Variants in NELL1 observed in about 807,000 individuals in gnomAD.
NELL1 encodes the protein neural EGFL like 1.
In NELL1, 76 loss-of-function variants were observed where a neutral mutation model predicts 107.4. The ratio of observed to expected loss-of-function variants is 0.71; its 90% CI spans 0.59 to 0.86. The LOEUF is 0.86. Ranked by LOEUF, NELL1 falls within the 40% of genes least tolerant of loss-of-function variation. The pLI, the probability that NELL1 is intolerant of heterozygous loss-of-function variation, is 0.00. For missense variants in NELL1, 1,024 were observed against 1,005.5 expected (o/e 1.02, Z -0.25); for synonymous variants, 353 against 341.2 (o/e 1.03, Z -0.38).
Position 20,911,508 on chromosome 11 carries a change from T to C in NELL1, c.604-6674T>C, listed in dbSNP as rs1195964595. On this transcript the variant is annotated intron_variant, in intron 5 of 19. Transcript: ENST00000357134. Reference sequence around the variant, plus strand: ...TGCTCCTTCATTCAACAAATATTTATTAAGGGCTTACCCTGTGTTTCCACA... The same window carrying C: ...TGCTCCTTCATTCAACAAATATTTACTAAGGGCTTACCCTGTGTTTCCACA... Among the ~76,000 whole-genome samples the C allele has an allele frequency of 1.9e-4, 29 of 152,206 alleles. 1 individual carries two copies. The highest frequency in any genetic ancestry group is 1.9e-3 in the Admixed American group (29 of 15,272).
At chr11:20,674,229 G>T (rs1374376543) in intron 1 of NELL1, among the ~76,000 whole-genome samples, 3 of 152,166 alleles carry the variant, frequency 2.0e-5, no homozygotes, top group African/African-American at 7.2e-5. Flanking sequence ...AGTCACTTGG[G>T]CATGGATAAG....
At chr11:21,444,560 A>G (rs540876496) in intron 15 of NELL1, among the ~76,000 whole-genome samples, 1 of 151,702 alleles carries the variant, frequency 6.6e-6, no homozygotes, top group South Asian at 2.1e-4. Flanking sequence ...TGGCTATAAA[A>G]TAATCCATCT....
chr11:21,454,040 C>G lies in NELL1; in HGVS notation c.1646-80334C>G, dbSNP rs554675566. On this transcript the variant is annotated intron_variant, in intron 15 of 19. Transcript: ENST00000357134. Reference sequence around the variant, plus strand: ...TGCGCTGCACCCACTAACTTGTCATCTAGCATTAGGTATATCTCCCAATGC... The same window carrying G: ...TGCGCTGCACCCACTAACTTGTCATGTAGCATTAGGTATATCTCCCAATGC... 6.1e-4 allele frequency among the ~76,000 whole-genome samples: 89 copies of G among 146,534 alleles called. No homozygotes were observed. The South Asian group carries it at 0.019, about 32-fold the overall frequency.
intron 3 of NELL1, among the ~76,000 whole-genome samples, chr11:20,808,599 A>C (rs964905533): frequency 6.6e-6 from 1 of 152,230 alleles, no homozygotes; most frequent in Non-Finnish European, 1.5e-5. Flanking sequence ...TACGAGTTGC[A>C]GTCCTTGTGG....
At chr11:21,243,621 A>C (rs1473331979) in intron 14 of NELL1, among the ~76,000 whole-genome samples, 1 of 152,166 alleles carries the variant, frequency 6.6e-6, no homozygotes, top group African/African-American at 2.4e-5. Flanking sequence ...CTATGAGATT[A>C]GTAGAAGACG....
intron 2 of NELL1, among the ~76,000 whole-genome samples, chr11:20,733,165 T>C (rs186410585): frequency 6.6e-6 from 1 of 152,322 alleles, no homozygotes; most frequent in East Asian, 1.9e-4. Context: ...CCATCCCTCT[T>C]CCTCTATCTT....
At chr11:21,506,119 T>G (rs1855272393) in intron 15 of NELL1, among the ~76,000 whole-genome samples, 1 of 152,222 alleles carries the variant, frequency 6.6e-6, no homozygotes, top group Admixed American at 6.5e-5. Flanking sequence ...TATCCTATCT[T>G]AAAATAATGA....
At chr11:21,249,019 C>G (rs1047134398) in intron 14 of NELL1, among the ~76,000 whole-genome samples, 6 of 152,120 alleles carry the variant, frequency 3.9e-5, no homozygotes, top group African/African-American at 1.4e-4. Context: ...GATACTGTTG[C>G]TGGGGGGCCT....
At chr11:21,277,574 T>A (rs1238631345) in intron 14 of NELL1, among the ~76,000 whole-genome samples, 5 of 152,090 alleles carry the variant, frequency 3.3e-5, no homozygotes, top group African/African-American at 1.2e-4. Context: ...ATTATAAATC[T>A]TGCTGCTATA....
chr11:21,384,809 G>A (rs962065382), intron 15 of NELL1, among the ~76,000 whole-genome samples: 2 of 151,940 alleles, frequency 1.3e-5, no homozygotes, highest in African/African-American at 4.8e-5. Context: ...GTATTCCATG[G>A]TGTATATGTG....
At chr11:20,673,617 G>A (rs1300709680) in intron 1 of NELL1, among the ~76,000 whole-genome samples, 3 of 152,182 alleles carry the variant, frequency 2.0e-5, no homozygotes, top group Admixed American at 6.5e-5. Context: ...CTTTGTTAGG[G>A]TGGAGTTTCT....
chr11:20,728,303 T>C (rs1456769595), intron 2 of NELL1, among the ~76,000 whole-genome samples: 1 of 152,196 alleles, frequency 6.6e-6, no homozygotes, highest in African/African-American at 2.4e-5. Flanking sequence ...AGAAGCTCTT[T>C]AGTTTAATTA....
intron 13 of NELL1, among the ~76,000 whole-genome samples, chr11:21,228,882 G>T (rs1328111690): frequency 6.6e-6 from 1 of 151,594 alleles, no homozygotes; most frequent in Admixed American, 6.6e-5. Flanking sequence ...ATTGTACAAT[G>T]CTTAGCAGCA....
At chr11:20,854,708 GA>G (rs11300209) in intron 4 of NELL1, among the ~76,000 whole-genome samples, 143,630 of 152,206 alleles carry the variant, frequency 0.94, 67,825 homozygotes, top group East Asian at 1. Flanking sequence ...TGTGACAGTG[GA>G]CAGCCTGTGT....
chr11:20,865,948 C>T (rs1849087367), intron 4 of NELL1, among the ~76,000 whole-genome samples: 1 of 152,120 alleles, frequency 6.6e-6, no homozygotes, highest in Non-Finnish European at 1.5e-5. Context: ...TCACCACTTC[C>T]TAGCTGTGTG....
At chr11:21,382,332 G>A (rs139681181) in intron 15 of NELL1, among the ~76,000 whole-genome samples, 134 of 152,056 alleles carry the variant, frequency 8.8e-4, no homozygotes, top group East Asian at 5.1e-3. Context: ...ACTTTGGGAC[G>A]TAGAAATCCT....
intron 16 of NELL1, among the ~76,000 whole-genome samples, chr11:21,554,928 G>A (rs1856670705): frequency 1.3e-5 from 2 of 151,820 alleles, no homozygotes; most frequent in South Asian, 4.1e-4. Context: ...CGCAGTTTCT[G>A]GATTACAAAG....
rs1388401820 is a variant in NELL1, at chr11:20,996,839, G to T, written c.1300+36279G>T. On this transcript the variant is annotated intron_variant, in intron 12 of 19. Coordinates refer to ENST00000357134, the MANE Select transcript of NELL1 (RefSeq NM_006157.5). ...CCGATTTACCCATCTCCGTAAAACT[G>T]AACAGTTGGAGGTATTAGGTCCTTA... Among the ~76,000 whole-genome samples the T allele has an allele frequency of 2.0e-5, 3 of 152,016 alleles. No homozygotes were observed. The East Asian group carries it at 5.8e-4, about 29-fold the overall frequency.
At chr11:21,510,050 T>C (rs1333107265) in intron 15 of NELL1, among the ~76,000 whole-genome samples, 1 of 152,174 alleles carries the variant, frequency 6.6e-6, no homozygotes, top group East Asian at 1.9e-4. Context: ...CTGAAATACC[T>C]GGGGGCTAAG....
Sources: gnomAD v4.1 joint callset for allele counts (sites outside exome capture counted in the v4.1 genomes callset) on GRCh38, gnomAD v4.1.1 for gene constraint, MANE v1.5 for transcripts, NCBI Gene and HGNC (gene_info 2026-07-23, HGNC 2026-07-21) for gene names.